The following B3GNT5 variants were observed in gnomAD, a reference collection of about 807,000 sequenced individuals.
B3GNT5 encodes the protein UDP-GlcNAc:betaGal beta-1,3-N-acetylglucosaminyltransferase 5.
In B3GNT5, 11 loss-of-function variants were observed where a neutral mutation model predicts 25.9. The observed-to-expected ratio is 0.42, with a 90% CI of 0.27 to 0.70. The LOEUF is 0.70. Among genes scored for constraint, B3GNT5 ranks in the 30% least tolerant of loss-of-function variants. B3GNT5 has a pLI of 0.23. For missense variants in B3GNT5, 385 were observed against 458.4 expected, an observed-to-expected ratio of 0.84 and a Z score of 1.46; for synonymous variants, 166 against 158.6, an observed-to-expected ratio of 1.05 and a Z score of -0.35.
intron 1 of B3GNT5, among the ~76,000 whole-genome samples, chr3:183,258,142 G>GT (rs1725241660): frequency 6.6e-6 from 1 of 151,350 alleles, no homozygotes. Context: ...TAATTTTTGT[G>GT]TTTTTAGTAG....
chr3:183,272,815 A>C lies in B3GNT5; in HGVS notation c.*1880A>C. The C allele has an allele frequency of 8.3e-7, 1 of 1,207,788 alleles. No homozygotes were observed. Among genetic ancestry groups the C allele is most frequent in the Non-Finnish European group, 1.0e-6 (1 of 959,998 alleles). 74.8% of individuals were successfully genotyped at this position (1,207,788 alleles called of 1,614,324 possible). A position where few individuals can be genotyped will look rare whatever the true frequency, so the allele number is the denominator to read the frequency against. ...GTGTATCTATACTTGGAAGTGTTTA[A>C]GGTTGCCATTGGTTGAAAACATAAG... On this transcript the variant is annotated 3_prime_UTR_variant, in exon 2 of 2. Coordinates refer to ENST00000326505, the MANE Select transcript of B3GNT5 (RefSeq NM_032047.5).
At chr3:183,256,567 A>G (rs935971563) in intron 1 of B3GNT5, among the ~76,000 whole-genome samples, 2 of 152,220 alleles carry the variant, frequency 1.3e-5, no homozygotes, top group Admixed American at 6.5e-5. Context: ...CCAGTTCTCT[A>G]CAAAAGAGAA....
Position 183,270,893 on chromosome 3 carries a change from T to A in B3GNT5, c.1095T>A (p.Ile365=). Residue 365 remains isoleucine (I), a synonymous_variant, in exon 2 of 2, where the codon ATT becomes ATA. Coordinates refer to ENST00000326505, the MANE Select transcript of B3GNT5 (RefSeq NM_032047.5). This position sits in a 1 kb window ranked among gnomAD's most constrained non-coding sequence, Gnocchi z 4.5. ...RLMKIILLCK[I]SYVDTYPCRA... ...TGAAGATAATTCTCCTTTGTAAAAT[T>A]AGCTATGTGGACACATACCCTTGTA... is the stretch of plus-strand genomic sequence containing the variant. 6.2e-7 allele frequency: 1 copy of A among 1,606,510 alleles called. No individual in the cohort carries two copies. Among genetic ancestry groups the A allele is most frequent in the Non-Finnish European group, 8.5e-7 (1 of 1,177,214 alleles).
At chr3:183,255,228 T>C (rs370669208) in intron 1 of B3GNT5, among the ~76,000 whole-genome samples, 1 of 152,186 alleles carries the variant, frequency 6.6e-6, no homozygotes. Flanking sequence ...AAGGTAGTTG[T>C]ATTAAGTGGT....
Position 183,270,107 on chromosome 3 carries a change from A to C in B3GNT5, c.309A>C (p.Arg103=). 6.2e-7 allele frequency: 1 copy of C among 1,614,084 alleles called. No individual in the cohort carries two copies. The highest frequency in any genetic ancestry group is 8.5e-7 in the Non-Finnish European group (1 of 1,180,008). ...AAACTGCTCCTGAAAACTATGATCG[A>C]CGTTCCGGAATTAGAAGGACGTGGG... ...FVKTAPENYD[R]RSGIRRTWGN... is the part of the protein sequence containing the mutation. Residue 103 remains arginine, a synonymous_variant, in exon 2 of 2, where the codon CGA becomes CGC. Coordinates refer to ENST00000326505, the MANE Select transcript of B3GNT5 (RefSeq NM_032047.5). The surrounding 1 kb of genome is among the most constrained non-coding windows in gnomAD (Gnocchi z 4.5).
At chr3:183,263,881 T>C (rs564586375) in intron 1 of B3GNT5, among the ~76,000 whole-genome samples, 1 of 152,282 alleles carries the variant, frequency 6.6e-6, no homozygotes, top group African/African-American at 2.4e-5. Context: ...TGCTAGGTCT[T>C]TGATTTTCTT....
In B3GNT5 at chr3:183,270,559, C is replaced by T; in HGVS notation, c.761C>T (p.Ala254Val). ...TGGCCAGCTTACCCTGACTACACAG[C>T]CGGAGCTGCCTATGTAATCTCCGGT... ...YQWPAYPDYT[A>V]GAAYVISGDV... The change falls in exon 2 of 2, where the codon GCC (alanine) becomes GTC (valine). Residue 254 changes from alanine (A) to valine (V), a missense_variant. Transcript: ENST00000326505. The surrounding 1 kb of genome is among the most constrained non-coding windows in gnomAD (Gnocchi z 4.5). 6.2e-7 allele frequency: 1 copy of T among 1,614,140 alleles called. No individual in the cohort carries two copies. Among genetic ancestry groups the T allele is most frequent in the Non-Finnish European group, 8.5e-7 (1 of 1,180,024 alleles).
chr3:183,269,934 TA>T lies in B3GNT5; in HGVS notation c.137del (p.Tyr46PhefsTer7). On this transcript the variant is annotated frameshift_variant, in exon 2 of 2. Transcript: ENST00000326505. LOFTEE classifies it high-confidence loss of function. ...DNHIVSHMKS[Y>X]SYRYLINSYD... is the part of the protein sequence containing the mutation. ...TCACATTGTGAGCCATATGAAGTCA[TA>T]TTCTTACAGATACCTCATAAATAGC... 6.2e-7 allele frequency: 1 copy of T among 1,614,190 alleles called. No individual in the cohort carries two copies.
In B3GNT5 at chr3:183,258,019, G is replaced by A. The variant is rs373839427; in HGVS notation, c.-302+4547G>A. Among the ~76,000 whole-genome samples, 51 of 129,612 alleles carry A rather than the reference G, an allele frequency of 3.9e-4. 3 individuals carry two copies. The highest frequency in any genetic ancestry group is 2.1e-3 in the Admixed American group (24 of 11,574). 85.0% of individuals were successfully genotyped at this position (129,612 alleles called of 152,430 possible). Reference sequence around the variant, plus strand: ...GTCTCGCTCTGTTGCCCAGGCTGGAGTGCAATGGTGCCATCTCGGCTCACC... The same window carrying A: ...GTCTCGCTCTGTTGCCCAGGCTGGAATGCAATGGTGCCATCTCGGCTCACC... On this transcript the variant is annotated intron_variant, in intron 1 of 1. Transcript: ENST00000326505.
intron 1 of B3GNT5, among the ~76,000 whole-genome samples, chr3:183,262,135 A>G (rs541789589): frequency 7.9e-6 from 1 of 126,604 alleles, no homozygotes; most frequent in South Asian, 2.4e-4. Context: ...GTTTTATGAT[A>G]CTTTATTATA....
intron 1 of B3GNT5, among the ~76,000 whole-genome samples, chr3:183,255,286 A>ACTT (rs1277880147): frequency 6.6e-6 from 1 of 152,218 alleles, no homozygotes; most frequent in Non-Finnish European, 1.5e-5. Flanking sequence ...GTGATTAGTG[A>ACTT]TCAGCAGCAG....
chr3:183,263,899 CCTT>C (rs1406251402), intron 1 of B3GNT5, among the ~76,000 whole-genome samples: 3 of 152,112 alleles, frequency 2.0e-5, no homozygotes, highest in Admixed American at 1.3e-4. Context: ...CTTGAAAGGG[CCTT>C]CTTTATGCCT....
chr3:183,256,296 G>A (rs1394208224), intron 1 of B3GNT5, among the ~76,000 whole-genome samples: 4 of 152,162 alleles, frequency 2.6e-5, no homozygotes, highest in Non-Finnish European at 5.9e-5. Context: ...CTCTGTGAGC[G>A]AAGATGTAAC....
Position 183,271,266 on chromosome 3 carries a change from G to A in B3GNT5, c.*331G>A. ...AAGAAGTTTTGATGTTAGAATAATT[G>A]CTTTTGGAAAATACCAAATGAACGT... On this transcript the variant is annotated 3_prime_UTR_variant, in exon 2 of 2. Transcript: ENST00000326505. 1 of 188,184 alleles carries A rather than the reference G, an allele frequency of 5.3e-6. No homozygotes were observed. The highest frequency in any genetic ancestry group is 1.2e-5 in the Non-Finnish European group (1 of 82,518). The allele number at this position is 188,184 out of a possible 1,614,324, so 11.7% of individuals were successfully genotyped here. A position where few individuals can be genotyped will look rare whatever the true frequency, so the allele number is the denominator to read the frequency against.
chr3:183,263,893 A>G (rs955110191), intron 1 of B3GNT5, among the ~76,000 whole-genome samples: 1 of 152,062 alleles, frequency 6.6e-6, no homozygotes, highest in Admixed American at 6.6e-5. Context: ...GATTTTCTTG[A>G]AAGGGCCTTC....
intron 1 of B3GNT5, chr3:183,254,705 C>T (rs936311583): frequency 6.6e-6 from 1 of 152,238 alleles, no homozygotes; most frequent in Non-Finnish European, 1.5e-5. Flanking sequence ...GGGCTGAATT[C>T]GAGTCGAAAG....
At chr3:183,264,861 G>A (rs1427038245) in intron 1 of B3GNT5, among the ~76,000 whole-genome samples, 4 of 152,106 alleles carry the variant, frequency 2.6e-5, no homozygotes, top group Non-Finnish European at 4.4e-5. Flanking sequence ...TGAGGGGCAC[G>A]GCTCCTAGAC....
Position 183,270,760 on chromosome 3 carries a change from C to T in B3GNT5, c.962C>T (p.Thr321Ile). The T allele has an allele frequency of 3.7e-6, 6 of 1,613,674 alleles. No individual in the cohort carries two copies. The highest frequency in any genetic ancestry group is 2.2e-5 in the East Asian group (1 of 44,894). The part of the protein sequence containing the change: ...YHPCIYEKMM[T>I]SHGHLEDLQD... Reference sequence around the variant, plus strand: ...CCCTGCATCTATGAAAAAATGATGACATCTCATGGACACTTAGAAGATCTC... The same window carrying T: ...CCCTGCATCTATGAAAAAATGATGATATCTCATGGACACTTAGAAGATCTC... Residue 321 changes from threonine to isoleucine, a missense_variant, in exon 2 of 2, where the codon ACA becomes ATA. By Grantham distance (89) the Thr-to-Ile change is moderately conservative (BLOSUM62 -1). Transcript: ENST00000326505. The surrounding 1 kb of genome is among the most constrained non-coding windows in gnomAD (Gnocchi z 4.5).
chr3:183,253,958 A>G (rs979329236), intron 1 of B3GNT5: 2 of 151,950 alleles, frequency 1.3e-5, no homozygotes, highest in Non-Finnish European at 2.9e-5. Context: ...TCGGCGGGAT[A>G]CGTCTCCAGG....
Sources: allele counts gnomAD v4.1 joint callset (sites outside exome capture counted in the v4.1 genomes callset), GRCh38; gene constraint gnomAD v4.1.1; non-coding constraint Gnocchi (gnomAD v3.1); transcripts MANE v1.5; gene names NCBI Gene and HGNC (gene_info 2026-07-23, HGNC 2026-07-21).